Variants in FN1 observed in about 807,000 individuals in gnomAD.
The protein encoded by FN1 is fibronectin 1.
Under a neutral mutation model 297.3 loss-of-function variants are expected in FN1, and 106 were observed. The ratio of observed to expected loss-of-function variants is 0.36; its 90% CI spans 0.30 to 0.42. FN1 has a LOEUF of 0.42. Ranked by LOEUF, FN1 falls within the 10% of genes least tolerant of loss-of-function variation. The pLI, the probability that FN1 is intolerant of heterozygous loss-of-function variation, is 1.00. For synonymous variants in FN1, 1,149 were observed against 1,152.6 expected (o/e 1.00, Z 0.06); for missense variants, 2,690 against 3,124.9 (o/e 0.86, Z 3.32).
At position 215,368,015 on chromosome 2, in the gene FN1, A is replaced by C; in HGVS notation, c.6866T>G (p.Leu2289Trp). ...VTVGNSVNEGLNQPTDDSCFD... is the reference protein window; with the variant it reads ...VTVGNSVNEGWNQPTDDSCFD... Reference sequence around the variant, plus strand: ...GCACGAGTCATCCGTAGGTTGGTTCAAGCCTTCGTTGACTATGAAGAAAAG... The same window carrying C: ...GCACGAGTCATCCGTAGGTTGGTTCCAGCCTTCGTTGACTATGAAGAAAAG... Residue 2289 changes from leucine (L) to tryptophan (W), a missense_variant, in exon 42 of 46, where the codon TTG becomes TGG. Around this residue, in one of 3 missense-constraint regions of FN1, gnomAD observed 1,743 missense variants for 1,945.2 expected, o/e 0.90. Coordinates refer to ENST00000354785, the MANE Select transcript of FN1 (RefSeq NM_212482.4). The C allele has an allele frequency of 6.2e-7, 1 of 1,614,202 alleles. No individual in the cohort carries two copies.
Position 215,386,698 on chromosome 2 carries a change from G to C in FN1, c.4603C>G (p.Gln1535Glu), listed in dbSNP as rs201542873. The stretch of plus-strand genomic sequence containing the variant: ...AGACAAGAAAAGTTACCTGTTGATT[G>C]TTGGCCAATCAATAAGGGACTTTCC... ...REESPLLIGQ[Q>E]STVSDVPRDL... The change falls in exon 28 of 46, where the codon CAA becomes GAA. Residue 1535 changes from glutamine (Q) to glutamate (E), a missense_variant. Physicochemically the swap from Gln to Glu is conservative, Grantham distance 29. Transcript: ENST00000354785. 1.6e-5 allele frequency: 26 copies of C among 1,602,292 alleles called. No individual in the cohort carries two copies. Among genetic ancestry groups the C allele is most frequent in the Non-Finnish European group, 2.2e-5 (26 of 1,175,200 alleles).
intron 41 of FN1, 99 bp from the exon 42 acceptor site, chr2:215,368,126 A>C: frequency 8.0e-7 from 1 of 1,254,192 alleles, no homozygotes; most frequent in Non-Finnish European, 1.1e-6. Flanking sequence ...ACTTAATCTA[A>C]AACAAGAATT....
chr2:215,427,859 T>C (rs910070061), intron 6 of FN1, among the ~76,000 whole-genome samples: 1 of 152,156 alleles, frequency 6.6e-6, no homozygotes, highest in African/African-American at 2.4e-5. Context: ...AAAATACGTG[T>C]GTGTGTGCGT....
intron 44 of FN1, chr2:215,363,206 G>A (rs1395424271): frequency 1.3e-5 from 2 of 152,104 alleles, no homozygotes; most frequent in African/African-American, 2.4e-5. Context: ...TTTAGCACTT[G>A]AGAATAGAAT....
chr2:215,407,796 C>G (rs1182250863), intron 17 of FN1, among the ~76,000 whole-genome samples: 1 of 152,104 alleles, frequency 6.6e-6, no homozygotes, highest in Non-Finnish European at 1.5e-5. Flanking sequence ...GCAACGTTTT[C>G]AGGAAATTAC....
intron 41 of FN1, among the ~76,000 whole-genome samples, chr2:215,368,975 A>G (rs1250211): frequency 0.3 from 46,180 of 152,074 alleles, 7,915 homozygotes; most frequent in Non-Finnish European, 0.39. Flanking sequence ...AGCAGTAGAT[A>G]TTTGAGGTGC....
intron 41 of FN1, 69 bp downstream of exon 41, chr2:215,370,225 C>A: frequency 2.0e-6 from 3 of 1,508,410 alleles, no homozygotes; most frequent in Non-Finnish European, 2.8e-6. Context: ...AAGGTACAGT[C>A]AACAGAAAAG....
chr2:215,410,787 G>C (rs924103800), intron 13 of FN1, among the ~76,000 whole-genome samples: 1 of 152,154 alleles, frequency 6.6e-6, no homozygotes, highest in Non-Finnish European at 1.5e-5. Context: ...GATTACAAGC[G>C]TGAGCCACCA....
At chr2:215,411,212 C>G (rs1303796550) in intron 13 of FN1, among the ~76,000 whole-genome samples, 1 of 152,134 alleles carries the variant, frequency 6.6e-6, no homozygotes, top group African/African-American at 2.4e-5. Flanking sequence ...CCATGGGTCA[C>G]AAAACTCAGT....
In FN1 at chr2:215,391,824, A is replaced by G. The variant is rs1390451141; in HGVS notation, c.4070-10T>C. On this transcript the variant is annotated splice_polypyrimidine_tract_variant and intron_variant, in intron 25 of 45. Coordinates refer to ENST00000354785, the MANE Select transcript of FN1 (RefSeq NM_212482.4). ...GTGGGAGGAGGAACAGCTGGTTTCG[A>G]ACAAGAAGGAAGACTCAGTTAATGT... The G allele has an allele frequency of 1.9e-6, 3 of 1,613,496 alleles. No individual in the cohort carries two copies.
intron 31 of FN1, 124 bp from the exon 32 acceptor site, chr2:215,382,449 A>G (rs999375355): frequency 2.9e-5 from 20 of 691,886 alleles, no homozygotes; most frequent in Non-Finnish European, 5.0e-5. Context: ...AATTGTAACA[A>G]AAATATGGAG....
intron 44 of FN1, chr2:215,363,484 C>T (rs1018700528): frequency 2.6e-5 from 4 of 152,226 alleles, no homozygotes; most frequent in African/African-American, 9.6e-5. Flanking sequence ...CATGTAATCA[C>T]TGGGGGTGAA....
In FN1 at chr2:215,390,170, G is replaced by A. The variant is rs150429422; in HGVS notation, c.4252+1462C>T. Reference sequence around the variant, plus strand: ...TTACTTAACTGCTGGGGACCTCGACGGCTTCATGTTTATTTGTTTGTTTAT... The same window carrying A: ...TTACTTAACTGCTGGGGACCTCGACAGCTTCATGTTTATTTGTTTGTTTAT... On this transcript the variant is annotated intron_variant, in intron 26 of 45. Transcript: ENST00000354785. Among the ~76,000 whole-genome samples the A allele has an allele frequency of 3.6e-3, 551 of 151,552 alleles. 3 individuals carry two copies. The highest frequency in any genetic ancestry group is 0.012 in the African/African-American group (485 of 40,986).
In FN1 at chr2:215,400,735, G is replaced by A. The variant is rs189820153; in HGVS notation, c.3254-1384C>T. Among the ~76,000 whole-genome samples, 839 of 103,284 alleles carry A rather than the reference G, an allele frequency of 8.1e-3. 11 individuals carry two copies. The highest frequency in any genetic ancestry group is 0.029 in the African/African-American group (789 of 26,866). The allele number at this position is 103,284 out of a possible 152,430, so 67.8% of individuals were successfully genotyped here. On this transcript the variant is annotated intron_variant, in intron 20 of 45. Coordinates refer to ENST00000354785, the MANE Select transcript of FN1 (RefSeq NM_212482.4). ...CCACTGCACTCCAGCCAGGGTGAGA[G>A]AGCAAGGCTCCATCTCAAAAAAAAA...
intron 40 of FN1, 21 bp downstream of exon 40, chr2:215,371,888 G>C: frequency 6.3e-7 from 1 of 1,585,442 alleles, no homozygotes; most frequent in Non-Finnish European, 8.7e-7. Context: ...CCCATGAGAA[G>C]TGAAGAGAAC....
At chr2:215,383,237 A>AC (rs112446616) in intron 31 of FN1, 91 bp downstream of exon 31, 3 of 1,311,152 alleles carry the variant, frequency 2.3e-6, no homozygotes, top group African/African-American at 2.9e-5. Flanking sequence ...CGAACTCCTA[A>AC]CCTCAAGTGA....
intron 21 of FN1, among the ~76,000 whole-genome samples, chr2:215,398,963 T>C (rs574835813): frequency 9.0e-4 from 137 of 152,332 alleles, no homozygotes; most frequent in Middle Eastern, 3.4e-3. Context: ...TTTTTTGAAA[T>C]GTAATTCCCT....
chr2:215,384,234 G>A (rs2058608489), intron 29 of FN1, 50 bp from the exon 30 acceptor site: 1 of 1,550,912 alleles, frequency 6.4e-7, no homozygotes, highest in Non-Finnish European at 8.9e-7. Context: ...GAGCTACTTG[G>A]GTATTACTGA....
rs769125990 is a variant in FN1, at chr2:215,410,049, T to C, written c.2007A>G (p.Lys669=). The C allele has an allele frequency of 1.4e-5, 22 of 1,613,930 alleles. No individual in the cohort carries two copies. The highest frequency in any genetic ancestry group is 1.8e-5 in the Non-Finnish European group (21 of 1,180,002). The change falls in exon 14 of 46, where the codon AAA becomes AAG. Residue 669 remains lysine (K), a synonymous_variant. Coordinates refer to ENST00000354785, the MANE Select transcript of FN1 (RefSeq NM_212482.4). ...CGTATACCACACCAGGCTTCAGGCC[T>C]TTGATGGTGTAGGAGTTTAAGTGGC... The part of the protein sequence containing the change: ...IPGHLNSYTI[K]GLKPGVVYEG...
Sources: gnomAD v4.1 joint callset for allele counts (sites outside exome capture counted in the v4.1 genomes callset) on GRCh38, gnomAD v4.1.1 for gene constraint, gnomAD v4.1.1 regional missense constraint, MANE v1.5 for transcripts, NCBI Gene and HGNC (gene_info 2026-07-23, HGNC 2026-07-21) for gene names.